The following GATA3 variants were observed in gnomAD, a reference collection of about 807,000 sequenced individuals.
GATA3 encodes the protein GATA binding protein 3.
Under a neutral mutation model 36.0 loss-of-function variants are expected in GATA3, and 6 were observed. The ratio of observed to expected loss-of-function variants is 0.17; its 90% CI spans 0.09 to 0.33. GATA3 has a LOEUF of 0.33. Among genes scored for constraint, GATA3 ranks in the 10% least tolerant of loss-of-function variants. GATA3 has a pLI of 1.00. For synonymous variants in GATA3, 326 were observed against 273.0 expected, an observed-to-expected ratio of 1.19 and a Z score of -1.92; for missense variants, 514 against 610.1, an observed-to-expected ratio of 0.84 and a Z score of 1.66.
rs772010450 is a variant in GATA3, at chr10:8,058,367, G to T, written c.304G>T (p.Ala102Ser). The T allele has an allele frequency of 7.4e-6, 12 of 1,612,742 alleles. No homozygotes were observed. The highest frequency in any genetic ancestry group is 1.0e-5 in the Non-Finnish European group (12 of 1,180,002). The change falls in exon 3 of 6, where the codon GCC (alanine) becomes TCC (serine). Residue 102 changes from alanine to serine, a missense_variant. Transcript: ENST00000379328. ...GSLPWLDGGK[A>S]LGSHHTASPW... ...CCTACCCTGGCTGGACGGCGGCAAAGCCCTGGGCAGCCACCACACCGCCTC... is the reference window on the plus strand; with the variant it reads ...CCTACCCTGGCTGGACGGCGGCAAATCCCTGGGCAGCCACCACACCGCCTC...
At chr10:8,069,743 G>A (rs1189295297) in intron 5 of GATA3, 145 bp downstream of exon 5, 1 of 1,046,216 alleles carries the variant, frequency 9.6e-7, no homozygotes, top group Non-Finnish European at 1.4e-6. Context: ...GACCTAGCTT[G>A]GAAAACTACT....
Position 8,055,552 on chromosome 10 carries a change from C to G in GATA3, c.-104C>G. On this transcript the variant is annotated 5_prime_UTR_variant, in exon 2 of 6. Coordinates refer to ENST00000379328, the MANE Select transcript of GATA3 (RefSeq NM_001002295.2). This position sits in a 1 kb window ranked among gnomAD's most constrained non-coding sequence, Gnocchi z 5.4. ...CGAAAGCAAATCATTCAACGACCCC[C>G]GACCCTCCGACGGCAGGAGCCCCCC... The G allele has an allele frequency of 7.5e-7, 1 of 1,336,098 alleles. No individual in the cohort carries two copies. The highest frequency in any genetic ancestry group is 1.4e-5 in the South Asian group (1 of 73,882). 82.8% of individuals were successfully genotyped at this position (1,336,098 alleles called of 1,614,324 possible).
At chr10:8,048,547 C>T (rs1055446304) in intron 1 of GATA3, among the ~76,000 whole-genome samples, 6 of 152,160 alleles carry the variant, frequency 3.9e-5, no homozygotes, top group Non-Finnish European at 8.8e-5. Flanking sequence ...GTCCAAAGCC[C>T]GGGAGACCCA....
intron 2 of GATA3, among the ~76,000 whole-genome samples, chr10:8,056,571 A>C (rs1832643779): frequency 1.3e-5 from 2 of 152,216 alleles, no homozygotes; most frequent in Admixed American, 1.3e-4. Flanking sequence ...CTTAAGTTTG[A>C]GGGATCTGAG....
At position 8,069,523 on chromosome 10, in the gene GATA3, A is replaced by G. The variant is rs2131511900; in HGVS notation, c.975A>G (p.Thr325=). The change falls in exon 5 of 6, where the codon ACA becomes ACG. Residue 325 remains threonine, a synonymous_variant. Coordinates refer to ENST00000379328, the MANE Select transcript of GATA3 (RefSeq NM_001002295.2). Reference sequence around the variant, plus strand: ...CCTGTGCGAACTGTCAGACCACCACAACCACACTCTGGAGGAGGAATGCCA... The same window carrying G: ...CCTGTGCGAACTGTCAGACCACCACGACCACACTCTGGAGGAGGAATGCCA... ...GTSCANCQTT[T]TTLWRRNANG... 1 of 1,613,912 alleles carries G rather than the reference A, an allele frequency of 6.2e-7. No homozygotes were observed. Among genetic ancestry groups the G allele is most frequent in the South Asian group, 1.1e-5 (1 of 91,076 alleles).
chr10:8,056,979 G>A (rs999607508), intron 2 of GATA3, among the ~76,000 whole-genome samples: 5 of 152,176 alleles, frequency 3.3e-5, no homozygotes, highest in African/African-American at 1.2e-4. Context: ...TGACACGGAT[G>A]ACATAGCCCC....
intron 1 of GATA3, among the ~76,000 whole-genome samples, chr10:8,047,799 G>T (rs1832410132): frequency 6.6e-6 from 1 of 152,332 alleles, no homozygotes; most frequent in South Asian, 2.1e-4. Flanking sequence ...GAGCTGAGCT[G>T]CCCGGAGGGA....
intron 3 of GATA3, among the ~76,000 whole-genome samples, chr10:8,062,376 T>A (rs368506012): frequency 0.048 from 6,420 of 132,478 alleles, 468 homozygotes; most frequent in African/African-American, 0.16. Context: ...TTTTTTTTTT[T>A]TAAAAAACAA....
intron 3 of GATA3, 117 bp downstream of exon 3, chr10:8,058,958 A>ATGCCATTCT (rs1341253381): frequency 1.1e-6 from 1 of 915,468 alleles, no homozygotes; most frequent in African/African-American, 1.7e-5. Context: ...GCCTGCTGAG[A>ATGCCATTCT]TGCCATTCTT....
chr10:8,051,125 T>TG, upstream of GATA3: 1 of 389,778 alleles, frequency 2.6e-6, no homozygotes, highest in Non-Finnish European at 5.1e-6. Context: ...CCACTTCCAC[T>TG]GGGACAGGGT....
rs1425732340 is a variant in GATA3 at position 8,058,681 on chromosome 10, C to T, written c.618C>T (p.Thr206=). ...CGTCCCACTCCCGTGGCAGCATGACCGCCCTGGGTGGAGCCTCCTCGTCGA... is the reference window on the plus strand; with the variant it reads ...CGTCCCACTCCCGTGGCAGCATGACTGCCCTGGGTGGAGCCTCCTCGTCGA... ...LESSHSRGSM[T]ALGGASSSTH... is the part of the protein sequence containing the mutation. The change falls in exon 3 of 6, where the codon ACC becomes ACT. Residue 206 remains threonine, a synonymous_variant. Coordinates refer to ENST00000379328, the MANE Select transcript of GATA3 (RefSeq NM_001002295.2). 6 of 1,613,256 alleles carry T rather than the reference C, an allele frequency of 3.7e-6. No homozygotes were observed. Among genetic ancestry groups the T allele is most frequent in the East Asian group, 4.5e-5 (2 of 44,844 alleles).
chr10:8,072,820 C>A (rs186791189), intron 5 of GATA3, among the ~76,000 whole-genome samples: 24 of 152,210 alleles, frequency 1.6e-4, no homozygotes, highest in African/African-American at 5.3e-4. Flanking sequence ...CACTTGCAAC[C>A]ATTGCAGCTG....
In GATA3 at chr10:8,055,452, C is replaced by A. The variant is rs945389432; in HGVS notation, c.-204C>A. On this transcript the variant is annotated 5_prime_UTR_variant, in exon 2 of 6. Coordinates refer to ENST00000379328, the MANE Select transcript of GATA3 (RefSeq NM_001002295.2). This position sits in a 1 kb window ranked among gnomAD's most constrained non-coding sequence, Gnocchi z 5.4. The stretch of plus-strand genomic sequence containing the variant: ...TCTTCCCCTTCTTCTCTTTGCTAAA[C>A]GACCCCTCCAAGATAATTTTTAAAA... 1.9e-5 allele frequency: 12 copies of A among 621,330 alleles called. No homozygotes were observed. The highest frequency in any genetic ancestry group is 3.3e-5 in the Non-Finnish European group (12 of 359,344). 38.5% of individuals were successfully genotyped at this position (621,330 alleles called of 1,614,324 possible).
In GATA3 at chr10:8,055,309, C is replaced by T. The variant is rs1325462783; in HGVS notation, c.-347C>T. ...CAGGTGACCCGAGGAGGGACTCCGC[C>T]TCCGAGCGGCTGAGGACCCCGGTGC... On this transcript the variant is annotated 5_prime_UTR_variant, in exon 2 of 6. Coordinates refer to ENST00000379328, the MANE Select transcript of GATA3 (RefSeq NM_001002295.2). This position sits in a 1 kb window ranked among gnomAD's most constrained non-coding sequence, Gnocchi z 5.4. 3 of 439,820 alleles carry T rather than the reference C, an allele frequency of 6.8e-6. No individual in the cohort carries two copies. Among genetic ancestry groups the T allele is most frequent in the Non-Finnish European group, 1.2e-5 (3 of 243,074 alleles). The allele number at this position is 439,820 out of a possible 1,614,324, so 27.2% of individuals were successfully genotyped here. A position where few individuals can be genotyped will look rare whatever the true frequency, so the allele number is the denominator to read the frequency against.
chr10:8,072,169 C>T (rs1322296069), intron 5 of GATA3, among the ~76,000 whole-genome samples: 1 of 152,158 alleles, frequency 6.6e-6, no homozygotes, highest in African/African-American at 2.4e-5. Context: ...GGCTTTGTTT[C>T]CTTCTCCAGG....
intron 5 of GATA3, 102 bp from the exon 6 acceptor site, chr10:8,073,636 GA>G (rs1355811749): frequency 6.3e-6 from 8 of 1,275,996 alleles, no homozygotes; most frequent in Non-Finnish European, 8.6e-6. Flanking sequence ...ACAGATCCCT[GA>G]TCCGGGGCGG....
Position 8,064,064 on chromosome 10 carries a change from C to A in GATA3, c.850C>A (p.Leu284Met), listed in dbSNP as rs1564401454. 6.2e-7 allele frequency: 1 copy of A among 1,614,142 alleles called. No individual in the cohort carries two copies. Among genetic ancestry groups the A allele is most frequent in the Non-Finnish European group, 8.5e-7 (1 of 1,180,026 alleles). ...LWRRDGTGHY[L>M]CNACGLYHKM... ...GCGGCGAGATGGCACGGGACACTAC[C>A]TGTGCAACGCCTGCGGGCTCTATCA... is the stretch of plus-strand genomic sequence containing the variant. Residue 284 changes from leucine to methionine, a missense_variant, in exon 4 of 6, where the codon CTG becomes ATG. Physicochemically the swap from Leu to Met is conservative, Grantham distance 15. Around this residue, in one of 3 missense-constraint regions of GATA3, gnomAD observed 44 missense variants for 151.5 expected, o/e 0.29. Coordinates refer to ENST00000379328, the MANE Select transcript of GATA3 (RefSeq NM_001002295.2).
intron 2 of GATA3, among the ~76,000 whole-genome samples, chr10:8,056,203 G>A (rs901749212): frequency 1.3e-5 from 2 of 152,106 alleles, no homozygotes; most frequent in Non-Finnish European, 2.9e-5. Flanking sequence ...TTGGGGTGGG[G>A]GGTCTCGGGA....
upstream of GATA3, chr10:8,052,571 C>A (rs1832524834): frequency 6.6e-6 from 1 of 152,248 alleles, no homozygotes; most frequent in African/African-American, 2.4e-5. Flanking sequence ...GCTGGGCTCA[C>A]GCTGCGTGGC....
Sources: gnomAD v4.1 joint callset for allele counts (sites outside exome capture counted in the v4.1 genomes callset) on GRCh38, gnomAD v4.1.1 for gene constraint, gnomAD v4.1.1 regional missense constraint, Gnocchi (gnomAD v3.1) non-coding constraint, MANE v1.5 for transcripts, NCBI Gene and HGNC (gene_info 2026-07-23, HGNC 2026-07-21) for gene names.